The following CTTNBP2 variants were observed in gnomAD, a reference collection of about 807,000 sequenced individuals.
The protein encoded by CTTNBP2 is cortactin binding protein 2.
In CTTNBP2, 108 loss-of-function variants were observed where a neutral mutation model predicts 156.9. The ratio of observed to expected loss-of-function variants is 0.69; its 90% CI spans 0.59 to 0.81. CTTNBP2 has a LOEUF of 0.81. CTTNBP2 is among the 30% of genes least tolerant of loss of function. CTTNBP2 has a pLI of 0.00. For synonymous variants in CTTNBP2, 767 were observed against 751.8 expected, an observed-to-expected ratio of 1.02 and a Z score of -0.33; for missense variants, 1,924 against 2,035.4, an observed-to-expected ratio of 0.95 and a Z score of 1.05.
At chr7:117,761,137 T>A (rs563443254) in intron 9 of CTTNBP2, among the ~76,000 whole-genome samples, 1 of 152,332 alleles carries the variant, frequency 6.6e-6, no homozygotes, top group South Asian at 2.1e-4. Flanking sequence ...GAGAATCATA[T>A]AGACCTTGGG....
At chr7:117,716,667 A>AAAAAGGCAGACATTATGATAG (rs1794396912) in intron 22 of CTTNBP2, among the ~76,000 whole-genome samples, 1 of 152,216 alleles carries the variant, frequency 6.6e-6, no homozygotes, top group South Asian at 2.1e-4. Flanking sequence ...AGTTGAACAA[A>AAAAAGGCAGACATTATGATAG]AAAAGGCAGA....
At chr7:117,740,214 T>C (rs1795918483) in intron 14 of CTTNBP2, among the ~76,000 whole-genome samples, 1 of 146,368 alleles carries the variant, frequency 6.8e-6, no homozygotes, top group Non-Finnish European at 1.5e-5. Context: ...TTCTTTGAAA[T>C]GGTCTTTTGT....
intron 16 of CTTNBP2, among the ~76,000 whole-genome samples, chr7:117,734,560 T>C (rs974694568): frequency 1.3e-5 from 2 of 152,182 alleles, no homozygotes; most frequent in African/African-American, 4.8e-5. Flanking sequence ...AACAGGCCTG[T>C]TGTAAAATGT....
At chr7:117,863,743 CA>C (rs1803925024) in intron 1 of CTTNBP2, among the ~76,000 whole-genome samples, 1 of 152,204 alleles carries the variant, frequency 6.6e-6, no homozygotes, top group African/African-American at 2.4e-5. Flanking sequence ...CAAATGAAGG[CA>C]GGCGATTGTT....
intron 19 of CTTNBP2, among the ~76,000 whole-genome samples, chr7:117,721,354 G>C (rs947784337): frequency 6.6e-6 from 1 of 152,216 alleles, no homozygotes; most frequent in Non-Finnish European, 1.5e-5. Context: ...AGTACATTTT[G>C]ATGGAACTCG....
chr7:117,770,641 A>T (rs1013007295), intron 8 of CTTNBP2, among the ~76,000 whole-genome samples: 1 of 152,242 alleles, frequency 6.6e-6, no homozygotes, highest in African/African-American at 2.4e-5. Context: ...GATGGTGAAT[A>T]AGGTAGAGAA....
chr7:117,833,440 T>C (rs1022481637), intron 2 of CTTNBP2, among the ~76,000 whole-genome samples: 1 of 152,230 alleles, frequency 6.6e-6, no homozygotes, highest in Non-Finnish European at 1.5e-5. Flanking sequence ...CCTGAGTGCA[T>C]TTTAAAACAA....
chr7:117,783,245 T>TA (rs371715096), intron 5 of CTTNBP2, among the ~76,000 whole-genome samples: 15 of 150,962 alleles, frequency 9.9e-5, no homozygotes, highest in East Asian at 1.9e-4. Context: ...TGCTGCTGAG[T>TA]AAAAAAAAAT....
At chr7:117,819,997 C>T (rs1392754793) in intron 2 of CTTNBP2, among the ~76,000 whole-genome samples, 1 of 152,186 alleles carries the variant, frequency 6.6e-6, no homozygotes, top group Non-Finnish European at 1.5e-5. Flanking sequence ...AAGTCAGAGC[C>T]AGAAGTAATC....
At chr7:117,723,752 CTTTTT>C (rs35193550) in intron 19 of CTTNBP2, among the ~76,000 whole-genome samples, 2 of 133,532 alleles carry the variant, frequency 1.5e-5, no homozygotes, top group Admixed American at 7.6e-5. Context: ...ACGGCAGGAT[CTTTTT>C]TTTTTTTTTT....
At chr7:117,730,297 C>A (rs1020707520) in intron 16 of CTTNBP2, among the ~76,000 whole-genome samples, 2 of 152,120 alleles carry the variant, frequency 1.3e-5, no homozygotes, top group Non-Finnish European at 2.9e-5. Flanking sequence ...GGCCTCCACC[C>A]CAAATTCCTA....
chr7:117,791,634 T>G lies in CTTNBP2; in HGVS notation c.1562A>C (p.His521Pro), dbSNP rs1296652858. 6.2e-7 allele frequency: 1 copy of G among 1,613,882 alleles called. No homozygotes were observed. The highest frequency in any genetic ancestry group is 8.5e-7 in the Non-Finnish European group (1 of 1,180,000). ...GVPPTGDVGT[H>P]PPVGRTSLKT... ...TAAACTGGTCCGACCAACTGGAGGG[T>G]GGGTGCCAACATCCCCTGTTGGGGG... Residue 521 changes from histidine to proline, a missense_variant, in exon 4 of 23, where the codon CAC (histidine) becomes CCC (proline). His to Pro is a moderately conservative substitution (Grantham distance 77). Coordinates refer to ENST00000160373, the MANE Select transcript of CTTNBP2 (RefSeq NM_033427.3).
At chr7:117,793,943 A>G (rs1464228781) in intron 3 of CTTNBP2, among the ~76,000 whole-genome samples, 1 of 152,160 alleles carries the variant, frequency 6.6e-6, no homozygotes, top group Non-Finnish European at 1.5e-5. Flanking sequence ...CCTGTGGGAA[A>G]TAACAGTTGA....
rs34411788 is a variant in CTTNBP2 at position 117,807,003 on chromosome 7, C to T, written c.414+3762G>A. The stretch of plus-strand genomic sequence containing the variant: ...TGAATTCCTGACCTTGTGATCCGCC[C>T]ACCTGGACCTCCCAAAGTGCTGGGA... On this transcript the variant is annotated intron_variant, in intron 3 of 22. Coordinates refer to ENST00000160373, the MANE Select transcript of CTTNBP2 (RefSeq NM_033427.3). 3.6e-3 allele frequency among the ~76,000 whole-genome samples: 555 copies of T among 152,112 alleles called. 9 individuals are homozygous for T. Among genetic ancestry groups the T allele is most frequent in the Admixed American group, 0.03 (459 of 15,286 alleles).
chr7:117,738,309 G>A (rs1198468239), intron 14 of CTTNBP2, among the ~76,000 whole-genome samples: 1 of 152,202 alleles, frequency 6.6e-6, no homozygotes, highest in Non-Finnish European at 1.5e-5. Flanking sequence ...GACTCAGAAT[G>A]TCTTGTTGGG....
At chr7:117,727,195 T>C (rs1196799452) in intron 17 of CTTNBP2, among the ~76,000 whole-genome samples, 1 of 152,142 alleles carries the variant, frequency 6.6e-6, no homozygotes, top group Non-Finnish European at 1.5e-5. Flanking sequence ...AGAGAAAATA[T>C]ACATATACTT....
intron 10 of CTTNBP2, among the ~76,000 whole-genome samples, chr7:117,759,921 T>C (rs1477078325): frequency 6.6e-6 from 1 of 152,212 alleles, no homozygotes; most frequent in African/African-American, 2.4e-5. Flanking sequence ...TTGGAATCTG[T>C]TTTGTGCTGT....
chr7:117,723,272 AC>A (rs1373563357), intron 19 of CTTNBP2, among the ~76,000 whole-genome samples: 83 of 152,306 alleles, frequency 5.4e-4, no homozygotes, highest in African/African-American at 1.9e-3. Context: ...TAATTGGGGA[AC>A]CCTAGCATAT....
intron 3 of CTTNBP2, among the ~76,000 whole-genome samples, chr7:117,807,143 C>G (rs536187071): frequency 1.3e-5 from 2 of 152,230 alleles, no homozygotes; most frequent in Admixed American, 1.3e-4. Flanking sequence ...TCCAACTCCC[C>G]CTTGACAATG....
Sources: gnomAD v4.1 joint callset for allele counts (sites outside exome capture counted in the v4.1 genomes callset) on GRCh38, gnomAD v4.1.1 for gene constraint, MANE v1.5 for transcripts, NCBI Gene and HGNC (gene_info 2026-07-23, HGNC 2026-07-21) for gene names.